Variants in PDK1 observed in about 807,000 individuals in gnomAD.
PDK1 encodes pyruvate dehydrogenase kinase 1, also known as [Pyruvate dehydrogenase (acetyl-transferring)] kinase isozyme 1, mitochondrial.
A neutral mutation model predicts 54.2 loss-of-function variants in PDK1; 39 were observed. The observed-to-expected ratio is 0.72, with a 90% CI of 0.56 to 0.94. The LOEUF is 0.94. PDK1 is among the 40% of genes least tolerant of loss of function. PDK1 has a pLI of 0.00. For missense variants in PDK1, 552 were observed against 566.0 expected (o/e 0.98, Z 0.25); for synonymous variants, 221 against 207.1 (o/e 1.07, Z -0.58).
At position 172,556,273 on chromosome 2, in the gene PDK1, C is replaced by A; in HGVS notation, c.123C>A (p.Gly41=). The part of the protein sequence containing the change: ...DSGSSPASER[G]VPGQVDFYAR... The stretch of plus-strand genomic sequence containing the variant: ...GCTCCAGCCCGGCGTCCGAGCGCGG[C>A]GTTCCGGGCCAGGTGGACTTCTACG... The change falls in exon 1 of 11, where the codon GGC becomes GGA. Residue 41 remains glycine (G), a synonymous_variant. Transcript: ENST00000282077. 2 of 1,497,240 alleles carry A rather than the reference C, an allele frequency of 1.3e-6. No individual in the cohort carries two copies. The highest frequency in any genetic ancestry group is 1.8e-6 in the Non-Finnish European group (2 of 1,130,038). 92.7% of individuals were successfully genotyped at this position (1,497,240 alleles called of 1,614,324 possible). A position where few individuals can be genotyped will look rare whatever the true frequency, so the allele number is the denominator to read the frequency against.
In PDK1 at chr2:172,570,771, T is replaced by G; in HGVS notation, c.892T>G (p.Tyr298Asp). Residue 298 changes from tyrosine (Y) to aspartate (D), a missense_variant, in exon 8 of 11, where the codon TAC becomes GAC. Physicochemically the swap from Tyr to Asp is radical, Grantham distance 160 (BLOSUM62 -3). Coordinates refer to ENST00000282077, the MANE Select transcript of PDK1 (RefSeq NM_002610.5). ...TMEHHANRGV[Y>D]PPIQVHVTLG... ...GGAACACCATGCCAACAGAGGTGTT[T>G]ACCCCCCTATTCAAGTTCATGTCAC... 1 of 1,612,374 alleles carries G rather than the reference T, an allele frequency of 6.2e-7. No individual in the cohort carries two copies. The highest frequency in any genetic ancestry group is 8.5e-7 in the Non-Finnish European group (1 of 1,178,502).
At chr2:172,709,047 T>TC in the PDK1 span, among the ~76,000 whole-genome samples, 19 of 119,962 alleles carry the variant, frequency 1.6e-4, no homozygotes, top group Admixed American at 3.2e-4. Context: ...TCTCTCTCTC[T>TC]TTTTTTTGTA....
chr2:172,562,716 A>G, intron 3 of PDK1: 2 of 1,270,550 alleles, frequency 1.6e-6, no homozygotes, highest in Non-Finnish European at 2.3e-6. Flanking sequence ...ATTGGTAACT[A>G]ATTAAAACAT....
the PDK1 span, among the ~76,000 whole-genome samples, chr2:172,646,467 G>C: frequency 6.6e-6 from 1 of 151,280 alleles, no homozygotes; most frequent in East Asian, 1.9e-4. Flanking sequence ...AAAGGAGAAT[G>C]TTGAATTATG....
intron 8 of PDK1, among the ~76,000 whole-genome samples, chr2:172,576,548 T>C (rs1324372179): frequency 6.6e-6 from 1 of 151,892 alleles, no homozygotes; most frequent in African/African-American, 2.4e-5. Flanking sequence ...TGTGGTGTTA[T>C]TTTGCTCCTG....
At chr2:172,647,598 G>A in the PDK1 span, among the ~76,000 whole-genome samples, 2 of 152,032 alleles carry the variant, frequency 1.3e-5, no homozygotes, top group African/African-American at 4.8e-5. Flanking sequence ...TTGAATGAAT[G>A]AGTAAAAAAT....
the PDK1 span, among the ~76,000 whole-genome samples, chr2:172,636,989 C>T: frequency 1.3e-5 from 2 of 152,210 alleles, no homozygotes; most frequent in East Asian, 3.8e-4. Flanking sequence ...CCTTCCTACT[C>T]CAGAACTTAA....
chr2:172,655,006 T>C, the PDK1 span, among the ~76,000 whole-genome samples: 828 of 152,180 alleles, frequency 5.4e-3, 4 homozygotes, highest in East Asian at 9.3e-3. Context: ...CACTACCCCA[T>C]AGATGGACAA....
intron 9 of PDK1, among the ~76,000 whole-genome samples, chr2:172,591,752 T>C (rs1163653845): frequency 6.6e-6 from 1 of 152,240 alleles, no homozygotes; most frequent in East Asian, 1.9e-4. Context: ...AACTTTACTT[T>C]TGTTGAAAAC....
chr2:172,570,162 C>G (rs1245461796), intron 7 of PDK1, among the ~76,000 whole-genome samples: 1 of 152,132 alleles, frequency 6.6e-6, no homozygotes, highest in Admixed American at 6.5e-5. Flanking sequence ...TGCTGAATGT[C>G]ATGATATTGT....
chr2:172,625,207 C>T, the PDK1 span, among the ~76,000 whole-genome samples: 2 of 152,164 alleles, frequency 1.3e-5, no homozygotes, highest in African/African-American at 4.8e-5. Context: ...ATCAATGATT[C>T]TGACTAATAC....
chr2:172,705,220 C>T, the PDK1 span, among the ~76,000 whole-genome samples: 3 of 152,090 alleles, frequency 2.0e-5, no homozygotes, highest in Non-Finnish European at 4.4e-5. Context: ...AGGGATGTAT[C>T]CTTCAAAAAT....
chr2:172,641,590 C>T, the PDK1 span, among the ~76,000 whole-genome samples: 3 of 151,924 alleles, frequency 2.0e-5, no homozygotes, highest in Admixed American at 6.6e-5. Flanking sequence ...TACAGGCGCC[C>T]GCCACCACGC....
At chr2:172,562,782 G>A (rs1305910762) in intron 3 of PDK1, 11 of 1,610,946 alleles carry the variant, frequency 6.8e-6, no homozygotes, top group South Asian at 1.1e-5. Context: ...AGTTTATGCT[G>A]TATGGCCTGC....
the PDK1 span, among the ~76,000 whole-genome samples, chr2:172,721,586 C>T: frequency 6.6e-6 from 1 of 152,234 alleles, no homozygotes; most frequent in Admixed American, 6.5e-5. Context: ...AATCTGCCCA[C>T]CTCAGCCTCC....
chr2:172,616,946 G>GTTATT, the PDK1 span, among the ~76,000 whole-genome samples: 4 of 151,986 alleles, frequency 2.6e-5, no homozygotes, highest in African/African-American at 9.6e-5. Context: ...ATAATGATTG[G>GTTATT]TTATTTTATT....
chr2:172,588,583 C>T (rs1690390113), intron 9 of PDK1, among the ~76,000 whole-genome samples: 1 of 152,156 alleles, frequency 6.6e-6, no homozygotes, highest in Admixed American at 6.5e-5. Context: ...GGAACAGGCT[C>T]CTCCATACAT....
intron 6 of PDK1, 113 bp from the exon 7 acceptor site, chr2:172,568,628 G>C: frequency 1.4e-6 from 1 of 692,426 alleles, no homozygotes; most frequent in Middle Eastern, 2.8e-4. Flanking sequence ...TCTCCCCCAG[G>C]TAATACTGTC....
In PDK1 at chr2:172,603,500, T is replaced by G. The variant is rs1309329621; in HGVS notation, c.*7531T>G. Reference sequence around the variant, plus strand: ...TGTATCCATTTCATGGGGAAGGTCATGGAAGACGACAGCAAACTTGAGTGG... The same window carrying G: ...TGTATCCATTTCATGGGGAAGGTCAGGGAAGACGACAGCAAACTTGAGTGG... On this transcript the variant is annotated 3_prime_UTR_variant, in exon 11 of 11. Transcript: ENST00000282077. 6.6e-6 allele frequency: 1 copy of G among 152,218 alleles called. No individual in the cohort carries two copies. The highest frequency in any genetic ancestry group is 1.5e-5 in the Non-Finnish European group (1 of 68,034). The allele number at this position is 152,218 out of a possible 1,614,324, so 9.4% of individuals were successfully genotyped here. A position where few individuals can be genotyped will look rare whatever the true frequency, so the allele number is the denominator to read the frequency against.
Sources: gnomAD v4.1 joint callset for allele counts (sites outside exome capture counted in the v4.1 genomes callset) on GRCh38, gnomAD v4.1.1 for gene constraint, MANE v1.5 for transcripts, NCBI Gene and HGNC (gene_info 2026-07-23, HGNC 2026-07-21) for gene names.